The following FAM114A1 variants were observed in gnomAD, a reference collection of about 807,000 sequenced individuals.
FAM114A1 encodes family with sequence similarity 114 member A1.
FAM114A1 carries 62 observed loss-of-function variants against 64.3 expected under a neutral mutation model. The observed-to-expected ratio is 0.96, with a 90% CI of 0.79 to 1.19. FAM114A1 has a LOEUF of 1.19. Among genes scored for constraint, FAM114A1 ranks in the 50% most tolerant of loss-of-function variants. The pLI is 0.00. For synonymous variants in FAM114A1, 254 were observed against 251.1 expected (o/e 1.01, Z -0.11); for missense variants, 645 against 676.3 (o/e 0.95, Z 0.51).
intron 2 of FAM114A1, among the ~76,000 whole-genome samples, chr4:38,876,712 G>A (rs1403693742): frequency 6.6e-6 from 1 of 152,182 alleles, no homozygotes; most frequent in Non-Finnish European, 1.5e-5. Flanking sequence ...AGTTCTGGAG[G>A]TCAGAAGTCT....
chr4:38,911,218 G>A (rs1718497409), intron 7 of FAM114A1, among the ~76,000 whole-genome samples: 1 of 152,242 alleles, frequency 6.6e-6, no homozygotes, highest in South Asian at 2.1e-4. Context: ...GTGAAGAGAA[G>A]AGGGTGAGAA....
chr4:38,897,086 C>A (rs949784948), intron 4 of FAM114A1, among the ~76,000 whole-genome samples: 2 of 152,120 alleles, frequency 1.3e-5, no homozygotes, highest in Admixed American at 6.6e-5. Context: ...AGAATAGAAA[C>A]AATTGAAAAA....
At position 38,922,765 on chromosome 4, in the gene FAM114A1, T is replaced by C. The variant is rs374006850; in HGVS notation, c.946-5T>C. 7.5e-5 allele frequency: 121 copies of C among 1,607,428 alleles called. No homozygotes were observed. In the African/African-American group the frequency reaches 1.5e-3, roughly 19 times the overall value. ...ACAGTCGTGCTGACCTATTTCTTTT[T>C]TCAGGTTCAGTCATTTTTAGCATCA... On this transcript the variant is annotated splice_region_variant and splice_polypyrimidine_tract_variant and intron_variant, in intron 8 of 14. Coordinates refer to ENST00000358869, the MANE Select transcript of FAM114A1 (RefSeq NM_138389.4).
In FAM114A1 at chr4:38,922,895, T is replaced by C; in HGVS notation, c.1069+2T>C. ...ATGAAGAAAATCAAGAAGAACAAGGTAAAGGAAAATAACTTAAATAGCAAG... is the reference window on the plus strand; with the variant it reads ...ATGAAGAAAATCAAGAAGAACAAGGCAAAGGAAAATAACTTAAATAGCAAG... On this transcript the variant is annotated splice_donor_variant, in intron 9 of 14. Transcript: ENST00000358869. LOFTEE classifies it high-confidence loss of function. The C allele has an allele frequency of 6.2e-7, 1 of 1,604,166 alleles. No homozygotes were observed. Among genetic ancestry groups the C allele is most frequent in the Non-Finnish European group, 8.5e-7 (1 of 1,177,182 alleles).
chr4:38,908,567 T>C (rs371180449), intron 6 of FAM114A1, 25 bp from the exon 7 acceptor site: 1 of 1,578,234 alleles, frequency 6.3e-7, no homozygotes, highest in African/African-American at 1.3e-5. Flanking sequence ...AAACATCTAA[T>C]CTCATGCAGT....
At chr4:38,918,958 G>A (rs1430607080) in intron 8 of FAM114A1, among the ~76,000 whole-genome samples, 1 of 152,132 alleles carries the variant, frequency 6.6e-6, no homozygotes, top group Non-Finnish European at 1.5e-5. Flanking sequence ...TTCAAGACCA[G>A]CCAGGCCAAC....
intron 3 of FAM114A1, among the ~76,000 whole-genome samples, chr4:38,886,133 G>A (rs1359321384): frequency 6.6e-6 from 1 of 151,964 alleles, no homozygotes; most frequent in Non-Finnish European, 1.5e-5. Flanking sequence ...TGCTGTGGAG[G>A]GAGGATGGAC....
chr4:38,937,286 C>G (rs1173393822), intron 13 of FAM114A1, among the ~76,000 whole-genome samples: 1 of 152,160 alleles, frequency 6.6e-6, no homozygotes, highest in Non-Finnish European at 1.5e-5. Flanking sequence ...GGGCCTTGAT[C>G]TCTCCAAAGC....
chr4:38,922,659 C>T, intron 8 of FAM114A1, 111 bp from the exon 9 acceptor site: 11 of 1,377,882 alleles, frequency 8.0e-6, no homozygotes, highest in Non-Finnish European at 1.1e-5. Context: ...CCCAGCGATA[C>T]CTCCCACACC....
intron 3 of FAM114A1, 91 bp from the exon 4 acceptor site, chr4:38,891,652 C>A: frequency 8.7e-7 from 1 of 1,143,562 alleles, no homozygotes; most frequent in Non-Finnish European, 1.2e-6. Flanking sequence ...TGATTCTTTT[C>A]CAAACCTCCT....
chr4:38,917,189 A>AAATAAAT (rs1478521164), intron 8 of FAM114A1, among the ~76,000 whole-genome samples: 1 of 111,676 alleles, frequency 9.0e-6, no homozygotes, highest in African/African-American at 4.3e-5. Context: ...AATAAATAAA[A>AAATAAAT]AAGCTGGGCA....
intron 13 of FAM114A1, among the ~76,000 whole-genome samples, chr4:38,936,630 G>A (rs550709421): frequency 1.9e-4 from 26 of 134,768 alleles, no homozygotes; most frequent in Non-Finnish European, 3.1e-4. Flanking sequence ...TCGGCTCACC[G>A]CAGCCTCCAC....
chr4:38,943,265 T>C lies in FAM114A1; in HGVS notation c.1591-191T>C, dbSNP rs373365704. On this transcript the variant is annotated intron_variant, in intron 14 of 14. Coordinates refer to ENST00000358869, the MANE Select transcript of FAM114A1 (RefSeq NM_138389.4). ...GAGTGAATTATTCTCTCTGTTAGTA[T>C]AGATAATTGAGAGCTGGACATGCCC... 6.6e-5 allele frequency among the ~76,000 whole-genome samples: 10 copies of C among 151,810 alleles called. No homozygotes were observed. The East Asian group carries it at 9.7e-4, about 15-fold the overall frequency.
chr4:38,881,919 T>C (rs2109563037), intron 3 of FAM114A1, among the ~76,000 whole-genome samples: 1 of 152,320 alleles, frequency 6.6e-6, no homozygotes, highest in South Asian at 2.1e-4. Flanking sequence ...AGGCTGCCCC[T>C]GAGGAATGGC....
chr4:38,908,267 T>C lies in FAM114A1; in HGVS notation c.658-325T>C, dbSNP rs138008546. ...GTCTTAGCAATTTATTTTATGTTAA[T>C]TTTATGTCTTAGATACACATCCATT... is the stretch of plus-strand genomic sequence containing the variant. On this transcript the variant is annotated intron_variant, in intron 6 of 14. Coordinates refer to ENST00000358869, the MANE Select transcript of FAM114A1 (RefSeq NM_138389.4). Among the ~76,000 whole-genome samples, 230 of 152,332 alleles carry C rather than the reference T, an allele frequency of 1.5e-3. 1 individual carries two copies. Among genetic ancestry groups the C allele is most frequent in the African/African-American group, 5.4e-3 (223 of 41,572 alleles).
Position 38,905,824 on chromosome 4 carries a change from G to A in FAM114A1, c.620G>A (p.Gly207Asp), listed in dbSNP as rs747527647. ...ACTTCCCCTTCATCAGCCTCTCGGGGTATGCTGTCTGCCATCACCAATGTG... is the reference window on the plus strand; with the variant it reads ...ACTTCCCCTTCATCAGCCTCTCGGGATATGCTGTCTGCCATCACCAATGTG... ...PPTSPSSASR[G>D]MLSAITNVVQ... Residue 207 changes from glycine to aspartate, a missense_variant, in exon 6 of 15, where the codon GGT (glycine) becomes GAT (aspartate). Transcript: ENST00000358869. 5.0e-6 allele frequency: 8 copies of A among 1,614,050 alleles called. No individual in the cohort carries two copies. Among genetic ancestry groups the A allele is most frequent in the South Asian group, 3.3e-5 (3 of 91,076 alleles).
chr4:38,905,900 C>T, intron 6 of FAM114A1, 39 bp downstream of exon 6: 1 of 1,541,914 alleles, frequency 6.5e-7, no homozygotes, highest in Middle Eastern at 1.9e-4. Flanking sequence ...CCCTGTATTT[C>T]CCAGGGCCTT....
At chr4:38,867,993 A>G (rs755259719) in intron 1 of FAM114A1, 159 bp downstream of exon 1, 3 of 392,004 alleles carry the variant, frequency 7.7e-6, no homozygotes. Flanking sequence ...GTCAGGGAGG[A>G]CCCGGCTCTG....
At position 38,930,581 on chromosome 4, in the gene FAM114A1, G is replaced by T. The variant is rs200051110; in HGVS notation, c.1162-870G>T. ...TAGAGGACACACTGAGGACAGTTTTGCTGGGTTTTCTCTCCCCAGATCTTC... is the reference window on the plus strand; with the variant it reads ...TAGAGGACACACTGAGGACAGTTTTTCTGGGTTTTCTCTCCCCAGATCTTC... On this transcript the variant is annotated intron_variant, in intron 10 of 14. Coordinates refer to ENST00000358869, the MANE Select transcript of FAM114A1 (RefSeq NM_138389.4). 4.6e-5 allele frequency among the ~76,000 whole-genome samples: 7 copies of T among 152,264 alleles called. No individual in the cohort carries two copies. In the East Asian group the frequency reaches 1.4e-3, roughly 29 times the overall value.
Sources: gnomAD v4.1 joint callset for allele counts (sites outside exome capture counted in the v4.1 genomes callset) on GRCh38, gnomAD v4.1.1 for gene constraint, MANE v1.5 for transcripts, NCBI Gene and HGNC (gene_info 2026-07-23, HGNC 2026-07-21) for gene names.